RAB11FIP3: variants seen among roughly 807,000 people sequenced by gnomAD.
RAB11FIP3 encodes RAB11 family interacting protein 3.
Under a neutral mutation model 77.8 loss-of-function variants are expected in RAB11FIP3, and 17 were observed. The observed-to-expected ratio is 0.22, with a 90% CI of 0.15 to 0.33. The LOEUF (loss-of-function observed/expected upper bound fraction) is 0.33, where lower values mean the gene tolerates loss of function less well. Ranked by LOEUF, RAB11FIP3 falls within the 10% of genes least tolerant of loss-of-function variation. The pLI is 1.00. For missense variants in RAB11FIP3, 1,005 were observed against 1,011.2 expected (o/e 0.99, Z 0.08); for synonymous variants, 437 against 448.2 (o/e 0.98, Z 0.31).
chr16:460,402 C>T (rs1393111919), intron 1 of RAB11FIP3, among the ~76,000 whole-genome samples: 2 of 152,122 alleles, frequency 1.3e-5, no homozygotes, highest in African/African-American at 2.4e-5. Context: ...TGATTTGCTG[C>T]ACCTGTCAGC....
At chr16:482,373 G>C in intron 3 of RAB11FIP3, 152 bp from the exon 4 acceptor site, 1 of 769,534 alleles carries the variant, frequency 1.3e-6, no homozygotes. Context: ...TGTTTTATAA[G>C]TAATGTCTCT....
intron 1 of RAB11FIP3, among the ~76,000 whole-genome samples, chr16:457,222 CTG>C (rs1291440139): frequency 6.6e-6 from 1 of 152,106 alleles, no homozygotes; most frequent in Non-Finnish European, 1.5e-5. Context: ...TCCTAGTTGA[CTG>C]TGGTGGGAGA....
chr16:492,529 C>T (rs1027405755), intron 5 of RAB11FIP3, among the ~76,000 whole-genome samples: 2 of 151,242 alleles, frequency 1.3e-5, no homozygotes, highest in African/African-American at 2.4e-5. Flanking sequence ...CCGGGAGACC[C>T]GAGGCCGTCC....
At chr16:441,134 G>T (rs966739754) in intron 1 of RAB11FIP3, among the ~76,000 whole-genome samples, 1 of 152,106 alleles carries the variant, frequency 6.6e-6, no homozygotes, top group African/African-American at 2.4e-5. Flanking sequence ...TTAGAGACGG[G>T]TTTCACCATG....
At chr16:465,928 C>T (rs2055694751) in intron 2 of RAB11FIP3, among the ~76,000 whole-genome samples, 1 of 152,190 alleles carries the variant, frequency 6.6e-6, no homozygotes, top group Admixed American at 6.5e-5. Flanking sequence ...TTTCTAGTGA[C>T]AGGCACGTGT....
At chr16:449,706 C>G (rs2055376213) in intron 1 of RAB11FIP3, among the ~76,000 whole-genome samples, 2 of 151,152 alleles carry the variant, frequency 1.3e-5, no homozygotes, top group South Asian at 4.2e-4. Context: ...AATCCCAGCA[C>G]TTTGGGAGGC....
chr16:497,891 C>T (rs182406965), intron 6 of RAB11FIP3, among the ~76,000 whole-genome samples: 103 of 145,218 alleles, frequency 7.1e-4, no homozygotes, highest in Middle Eastern at 3.6e-3. Flanking sequence ...CTTTCTGACT[C>T]GGTTTCTTTG....
chr16:494,733 T>A (rs141611658), intron 5 of RAB11FIP3, among the ~76,000 whole-genome samples: 36 of 151,954 alleles, frequency 2.4e-4, no homozygotes, highest in South Asian at 8.3e-4. Context: ...GGGCTGAGTG[T>A]GGGCTGAAAT....
chr16:460,629 T>C (rs1011104262), intron 1 of RAB11FIP3, among the ~76,000 whole-genome samples: 7 of 152,304 alleles, frequency 4.6e-5, no homozygotes, highest in African/African-American at 1.7e-4. Flanking sequence ...TTCCCTGAGT[T>C]ATTCGCTACC....
chr16:458,369 G>A (rs565318649), intron 1 of RAB11FIP3, among the ~76,000 whole-genome samples: 122 of 151,194 alleles, frequency 8.1e-4, no homozygotes, highest in Non-Finnish European at 1.1e-3. Context: ...TAGCAGCCCC[G>A]GCATCTGGAC....
In RAB11FIP3 at chr16:480,286, C is replaced by CAAAAAAAAGAAAAAAAAAAA. The variant is rs752259728; in HGVS notation, c.904-2231_904-2230insGAAAAAAAAAAAAAAAAAAA. On this transcript the variant is annotated intron_variant, in intron 3 of 13. Coordinates refer to ENST00000262305, the MANE Select transcript of RAB11FIP3 (RefSeq NM_014700.4). ...GGCAGGAAGAGTAAAACTCCTTCTC[C>CAAAAAAAAGAAAAAAAAAAA]AAAAAAAAAAAAAAAAAAAAGTTGA... is the stretch of plus-strand genomic sequence containing the variant. Among the ~76,000 whole-genome samples, 74 of 80,016 alleles carry CAAAAAAAAGAAAAAAAAAAA rather than the reference C, an allele frequency of 9.2e-4. 2 individuals carry two copies. The highest frequency in any genetic ancestry group is 2.9e-3 in the African/African-American group (60 of 20,752). The allele number at this position is 80,016 out of a possible 152,430, so 52.5% of individuals were successfully genotyped here. A position where few individuals can be genotyped will look rare whatever the true frequency, so the allele number is the denominator to read the frequency against.
intron 1 of RAB11FIP3, among the ~76,000 whole-genome samples, chr16:433,728 C>T (rs559703279): frequency 9.1e-4 from 137 of 151,314 alleles, no homozygotes; most frequent in Non-Finnish European, 1.7e-3. Flanking sequence ...TGGTTGCGGG[C>T]GCCTGTAGAC....
At chr16:478,233 G>C in intron 3 of RAB11FIP3, among the ~76,000 whole-genome samples, 1 of 146,892 alleles carries the variant, frequency 6.8e-6, no homozygotes, top group East Asian at 2.0e-4. Context: ...TTGCTCTGTT[G>C]CCAGGCTGGA....
chr16:520,407 C>T, intron 12 of RAB11FIP3, 52 bp from the exon 13 acceptor site: 1 of 1,605,648 alleles, frequency 6.2e-7, no homozygotes, highest in South Asian at 1.1e-5. Context: ...CTTGTCCCTG[C>T]TCAGCCACCA....
In RAB11FIP3 at chr16:506,818, G is replaced by A. The variant is rs2031898211; in HGVS notation, c.1499+1191G>A. On this transcript the variant is annotated intron_variant, in intron 8 of 13. Transcript: ENST00000262305. The surrounding 1 kb of genome is among the most constrained non-coding windows in gnomAD (Gnocchi z 4.5). The stretch of plus-strand genomic sequence containing the variant: ...CAGGATTCTCAGCAGAAGAGGGCCT[G>A]CTACCAGCCCCTGCTGCAGAGTGGA... Among the ~76,000 whole-genome samples, 3 of 152,228 alleles carry A rather than the reference G, an allele frequency of 2.0e-5. No homozygotes were observed. Among genetic ancestry groups the A allele is most frequent in the Admixed American group, 2.0e-4 (3 of 15,288 alleles).
chr16:484,843 G>T (rs1477620982), intron 4 of RAB11FIP3, among the ~76,000 whole-genome samples: 1 of 152,152 alleles, frequency 6.6e-6, no homozygotes, highest in African/African-American at 2.4e-5. Flanking sequence ...TAAGCAGGAT[G>T]GTCATCGGGA....
At chr16:490,742 G>A (rs1254388764) in intron 5 of RAB11FIP3, among the ~76,000 whole-genome samples, 4 of 152,202 alleles carry the variant, frequency 2.6e-5, no homozygotes, top group East Asian at 3.9e-4. Flanking sequence ...AAGTTTACCC[G>A]GAGACATGGT....
At chr16:445,526 T>TA (rs1335653498) in intron 1 of RAB11FIP3, among the ~76,000 whole-genome samples, 1 of 151,998 alleles carries the variant, frequency 6.6e-6, no homozygotes, top group Non-Finnish European at 1.5e-5. Flanking sequence ...AATCTCAAAA[T>TA]AAAAAAATGG....
In RAB11FIP3 at chr16:426,106, C is replaced by T; in HGVS notation, c.100C>T (p.Pro34Ser). 2 of 1,006,082 alleles carry T rather than the reference C, an allele frequency of 2.0e-6. No homozygotes were observed. Among genetic ancestry groups the T allele is most frequent in the African/African-American group, 1.7e-5 (1 of 57,226 alleles). 62.3% of individuals were successfully genotyped at this position (1,006,082 alleles called of 1,614,324 possible). Reference protein sequence around the residue: ...PDGPGAAQLAPGPAELRLGAP... With the variant: ...PDGPGAAQLASGPAELRLGAP... Reference sequence around the variant, plus strand: ...CGGGCCGGGGGCGGCACAACTGGCTCCGGGCCCTGCGGAGCTACGCCTCGG... The same window carrying T: ...CGGGCCGGGGGCGGCACAACTGGCTTCGGGCCCTGCGGAGCTACGCCTCGG... The change falls in exon 1 of 14, where the codon CCG becomes TCG. Residue 34 changes from proline (P) to serine (S), a missense_variant. By Grantham distance (74) the Pro-to-Ser change is moderately conservative (BLOSUM62 -1). This residue lies in a region of RAB11FIP3 where 466 missense variants were observed against 408.3 expected (regional missense o/e 1.14). Coordinates refer to ENST00000262305, the MANE Select transcript of RAB11FIP3 (RefSeq NM_014700.4). This position sits in a 1 kb window ranked among gnomAD's most constrained non-coding sequence, Gnocchi z 5.0.
Sources: allele counts gnomAD v4.1 joint callset (sites outside exome capture counted in the v4.1 genomes callset), GRCh38; gene constraint gnomAD v4.1.1; regional missense constraint gnomAD v4.1.1; non-coding constraint Gnocchi (gnomAD v3.1); transcripts MANE v1.5; gene names NCBI Gene and HGNC (gene_info 2026-07-23, HGNC 2026-07-21).